PTPRK: variants seen among roughly 807,000 people sequenced by gnomAD.
The protein encoded by PTPRK is protein tyrosine phosphatase receptor type K, also known as receptor-type tyrosine-protein phosphatase kappa.
In PTPRK, 75 loss-of-function variants were observed where a neutral mutation model predicts 178.0. The observed-to-expected ratio is 0.42, with a 90% CI of 0.35 to 0.51. The LOEUF is 0.51. Ranked by LOEUF, PTPRK falls within the 20% of genes least tolerant of loss-of-function variation. The probability of loss-of-function intolerance (pLI) is 0.02; values close to 1 mark genes in which losing one functional copy is unlikely to be tolerated. For synonymous variants in PTPRK, 637 were observed against 620.6 expected (o/e 1.03, Z -0.39); for missense variants, 1,441 against 1,797.8 (o/e 0.80, Z 3.59).
chr6:128,007,997 G>C (rs747338483), intron 14 of PTPRK: 3 of 1,202,364 alleles, frequency 2.5e-6, no homozygotes, highest in Non-Finnish European at 3.4e-6. Flanking sequence ...GCACTATTTG[G>C]GGAAAGCACG....
At chr6:128,391,641 G>T (rs1839592287) in intron 2 of PTPRK, among the ~76,000 whole-genome samples, 1 of 151,894 alleles carries the variant, frequency 6.6e-6, no homozygotes, top group South Asian at 2.1e-4. Context: ...TCTATAATAG[G>T]GGGATGAAAA....
At chr6:128,340,984 T>C (rs1311838797) in intron 2 of PTPRK, among the ~76,000 whole-genome samples, 3 of 152,200 alleles carry the variant, frequency 2.0e-5, no homozygotes, top group African/African-American at 7.2e-5. Context: ...TGTTTTACTA[T>C]ATTTATTGTT....
chr6:128,040,512 C>T (rs1776992708), intron 13 of PTPRK, among the ~76,000 whole-genome samples: 1 of 152,012 alleles, frequency 6.6e-6, no homozygotes, highest in South Asian at 2.1e-4. Context: ...GTAAGAGGCA[C>T]AGATGCAAAG....
intron 5 of PTPRK, among the ~76,000 whole-genome samples, chr6:128,234,094 G>C (rs190492673): frequency 1.3e-5 from 2 of 152,166 alleles, no homozygotes; most frequent in Non-Finnish European, 1.5e-5. Flanking sequence ...TCCAACCCCA[G>C]TTACAACCCT....
intron 1 of PTPRK, among the ~76,000 whole-genome samples, chr6:128,440,466 T>A (rs1846138411): frequency 6.6e-6 from 1 of 152,218 alleles, no homozygotes; most frequent in Admixed American, 6.6e-5. Flanking sequence ...TAAATCTAAT[T>A]TTTAAAATAT....
At chr6:128,313,223 A>AGTT (rs1387960411) in intron 3 of PTPRK, among the ~76,000 whole-genome samples, 1 of 152,134 alleles carries the variant, frequency 6.6e-6, no homozygotes, top group African/African-American at 2.4e-5. Flanking sequence ...AAATAAAAAT[A>AGTT]GTTGTACTTT....
intron 1 of PTPRK, among the ~76,000 whole-genome samples, chr6:128,446,773 A>C (rs1210057934): frequency 6.6e-6 from 1 of 152,192 alleles, no homozygotes; most frequent in Non-Finnish European, 1.5e-5. Context: ...TTCATCTTTA[A>C]TACCTGCTCC....
intron 1 of PTPRK, among the ~76,000 whole-genome samples, chr6:128,405,133 T>C (rs1221583550): frequency 6.6e-6 from 1 of 152,192 alleles, no homozygotes; most frequent in Non-Finnish European, 1.5e-5. Flanking sequence ...GAAAAAGCTA[T>C]AAAAGCCTAG....
chr6:128,296,225 C>A (rs1562229953), intron 3 of PTPRK, among the ~76,000 whole-genome samples: 2 of 152,052 alleles, frequency 1.3e-5, no homozygotes, highest in Non-Finnish European at 2.9e-5. Context: ...AGGGCCTTTA[C>A]CCTGGCTCTT....
chr6:128,463,688 T>G (rs1849370707), intron 1 of PTPRK, among the ~76,000 whole-genome samples: 2 of 152,048 alleles, frequency 1.3e-5, no homozygotes, highest in Non-Finnish European at 2.9e-5. Flanking sequence ...ATTCAAATTT[T>G]ATTTAGTTTC....
intron 1 of PTPRK, among the ~76,000 whole-genome samples, chr6:128,450,109 C>T (rs1351784830): frequency 1.4e-5 from 2 of 146,006 alleles, no homozygotes; most frequent in East Asian, 2.0e-4. Context: ...CAAAGCAAGA[C>T]GCATCTCAAC....
At position 127,972,896 on chromosome 6, in the gene PTPRK, G is replaced by T. The variant is rs1583459838; in HGVS notation, c.4269+126C>A. The T allele has an allele frequency of 3.2e-6, 3 of 927,088 alleles. No homozygotes were observed. The South Asian group carries it at 5.1e-5, about 16-fold the overall frequency. The allele number at this position is 927,088 out of a possible 1,614,324, so 57.4% of individuals were successfully genotyped here. A position where few individuals can be genotyped will look rare whatever the true frequency, so the allele number is the denominator to read the frequency against. Reference sequence around the variant, plus strand: ...GCTCAGCAATGTATTAATTAGGCAGGAAAGTCCCCACAACGTCTCATTTTC... The same window carrying T: ...GCTCAGCAATGTATTAATTAGGCAGTAAAGTCCCCACAACGTCTCATTTTC... On this transcript the variant is annotated intron_variant, in intron 29 of 29. Coordinates refer to ENST00000368226, the MANE Select transcript of PTPRK (RefSeq NM_002844.4).
chr6:128,104,835 A>T (rs1458073949), intron 7 of PTPRK, among the ~76,000 whole-genome samples: 2 of 152,228 alleles, frequency 1.3e-5, no homozygotes, highest in Non-Finnish European at 2.9e-5. Flanking sequence ...TATTAATTAG[A>T]ATAACAAAAA....
intron 13 of PTPRK, among the ~76,000 whole-genome samples, chr6:128,047,970 T>C (rs1316008134): frequency 6.6e-6 from 1 of 152,170 alleles, no homozygotes; most frequent in Non-Finnish European, 1.5e-5. Context: ...CTGAACACCA[T>C]ATCCTGATAA....
rs115375219 is a variant in PTPRK at position 128,122,099 on chromosome 6, C to T, written c.1163-32107G>A. ...TTTGAATCACTTACTTCATCATATA[C>T]ACTTACCTGACATCTAGATATTTTT... On this transcript the variant is annotated intron_variant, in intron 7 of 29. Transcript: ENST00000368226. 5.3e-3 allele frequency among the ~76,000 whole-genome samples: 808 copies of T among 152,166 alleles called. 4 individuals carry two copies. The highest frequency in any genetic ancestry group is 0.019 in the African/African-American group (773 of 41,498).
At chr6:128,133,455 T>A (rs1794559594) in intron 7 of PTPRK, among the ~76,000 whole-genome samples, 1 of 152,218 alleles carries the variant, frequency 6.6e-6, no homozygotes, top group Non-Finnish European at 1.5e-5. Flanking sequence ...TTTCATTTTT[T>A]ACCTTGAAAT....
intron 3 of PTPRK, among the ~76,000 whole-genome samples, chr6:128,307,160 A>AATATATAT (rs397888214): frequency 1.4e-5 from 2 of 142,344 alleles, no homozygotes; most frequent in African/African-American, 2.7e-5. Flanking sequence ...AAGAAAAAAA[A>AATATATAT]ATATATATAT....
intron 2 of PTPRK, among the ~76,000 whole-genome samples, chr6:128,331,489 AAG>A (rs935336664): frequency 1.3e-5 from 2 of 152,166 alleles, no homozygotes; most frequent in African/African-American, 2.4e-5. Context: ...GAGAAAAAAA[AAG>A]AGTAAAATTT....
At chr6:128,471,499 A>G (rs1850646717) in intron 1 of PTPRK, among the ~76,000 whole-genome samples, 1 of 151,254 alleles carries the variant, frequency 6.6e-6, no homozygotes, top group South Asian at 2.1e-4. Context: ...ATAGAGATGG[A>G]CAGGGATAAT....
Sources: allele counts gnomAD v4.1 joint callset (sites outside exome capture counted in the v4.1 genomes callset), GRCh38; gene constraint gnomAD v4.1.1; transcripts MANE v1.5; gene names NCBI Gene and HGNC (gene_info 2026-07-23, HGNC 2026-07-21).